ATP6V1E2: variants seen among roughly 807,000 people sequenced by gnomAD.
ATP6V1E2 encodes the protein ATPase H+ transporting V1 subunit E2.
For missense variants in ATP6V1E2, 308 were observed against 273.3 expected, an observed-to-expected ratio of 1.13 and a Z score of -0.90; for synonymous variants, 121 against 104.2, an observed-to-expected ratio of 1.16 and a Z score of -0.98.
At chr2:46,531,665 T>C (rs1413832507) in intron 4 of ATP6V1E2, among the ~76,000 whole-genome samples, 4 of 152,232 alleles carry the variant, frequency 2.6e-5, no homozygotes, top group Admixed American at 2.6e-4. Context: ...GGTTCCAATT[T>C]CTTCACATCT....
intron 4 of ATP6V1E2, among the ~76,000 whole-genome samples, chr2:46,523,025 C>A (rs1305501711): frequency 6.6e-6 from 1 of 151,956 alleles, no homozygotes; most frequent in Non-Finnish European, 1.5e-5. Context: ...TGTTCATTGG[C>A]CATGTAAATG....
chr2:46,528,737 T>G (rs1366673700), intron 4 of ATP6V1E2, among the ~76,000 whole-genome samples: 5 of 152,246 alleles, frequency 3.3e-5, no homozygotes, highest in African/African-American at 4.8e-5. Flanking sequence ...ACAATCTGCC[T>G]CAATTCACCT....
At chr2:46,524,891 G>C (rs748430284) in intron 4 of ATP6V1E2, among the ~76,000 whole-genome samples, 20 of 152,174 alleles carry the variant, frequency 1.3e-4, no homozygotes, top group Non-Finnish European at 1.5e-4. Flanking sequence ...ATGTCTGCCT[G>C]AGAGTTGGGG....
intron 4 of ATP6V1E2, chr2:46,527,735 T>C (rs1666994089): frequency 6.6e-6 from 1 of 152,132 alleles, no homozygotes; most frequent in African/African-American, 2.4e-5. Context: ...AAATTACCCA[T>C]TGTGGTATCA....
chr2:46,512,741 G>A lies in ATP6V1E2; in HGVS notation c.-30C>T. 1 of 1,578,758 alleles carries A rather than the reference G, an allele frequency of 6.3e-7. No homozygotes were observed. The highest frequency in any genetic ancestry group is 8.6e-7 in the Non-Finnish European group (1 of 1,164,378). ...GCTCTCAGAGGGGACGGCAGAGAGG[G>A]AGCTCGTACACCGTTTGGCTCCTTT... On this transcript the variant is annotated 5_prime_UTR_variant, in exon 5 of 5. Coordinates refer to ENST00000522587, the MANE Select transcript of ATP6V1E2 (RefSeq NM_001318063.2).
intron 4 of ATP6V1E2, among the ~76,000 whole-genome samples, chr2:46,513,649 C>A (rs900743618): frequency 6.6e-6 from 1 of 151,428 alleles, no homozygotes; most frequent in African/African-American, 2.4e-5. Context: ...CATGGTGAAA[C>A]CCCGTCTCTA....
At chr2:46,526,323 C>T (rs1294956932) in intron 4 of ATP6V1E2, among the ~76,000 whole-genome samples, 2 of 152,080 alleles carry the variant, frequency 1.3e-5, no homozygotes, top group East Asian at 1.9e-4. Context: ...CCATGTTAGC[C>T]AGACTGGTCT....
chr2:46,522,064 G>A (rs112379791), intron 4 of ATP6V1E2, among the ~76,000 whole-genome samples: 3,185 of 152,208 alleles, frequency 0.021, 101 homozygotes, highest in African/African-American at 0.071. Flanking sequence ...GGAGGCAGAG[G>A]TAGAGGATTG....
chr2:46,512,171 C>T lies in ATP6V1E2; in HGVS notation c.541G>A (p.Val181Met). The change falls in exon 5 of 5, where the codon GTG becomes ATG. Residue 181 changes from valine (V) to methionine (M), a missense_variant. By Grantham distance (21) the Val-to-Met change is conservative. Transcript: ENST00000522587. Reference protein sequence around the residue: ...AYLAVNAAGGVEVYSGNQRIK... With the variant: ...AYLAVNAAGGMEVYSGNQRIK... ...CTCTGATTGCCACTGTAGACCTCCA[C>T]ACCTCCAGCTGCATTCACAGCCAGG... The T allele has an allele frequency of 1.2e-6, 2 of 1,614,234 alleles. No homozygotes were observed. The highest frequency in any genetic ancestry group is 2.2e-5 in the East Asian group (1 of 44,886).
intron 4 of ATP6V1E2, among the ~76,000 whole-genome samples, chr2:46,529,724 C>A (rs889436090): frequency 2.0e-5 from 3 of 152,092 alleles, no homozygotes; most frequent in Middle Eastern, 3.4e-3. Context: ...CCACTGCACT[C>A]CAGCCTGGGT....
rs756488914 is a variant in ATP6V1E2 at position 46,512,659 on chromosome 2, A to C, written c.53T>G (p.Phe18Cys). The C allele has an allele frequency of 1.2e-5, 20 of 1,614,150 alleles. No individual in the cohort carries two copies. The highest frequency in any genetic ancestry group is 1.7e-5 in the Non-Finnish European group (20 of 1,180,028). ...TTTCTCATTGGCTTCCTGCTCAATG[A>C]AAGCCATCATGTGCTTAATCTGCTT... ...VKKQIKHMMAFIEQEANEKAE... is the reference protein window; with the variant it reads ...VKKQIKHMMACIEQEANEKAE... Residue 18 changes from phenylalanine (F) to cysteine (C), a missense_variant, in exon 5 of 5, where the codon TTC becomes TGC. By Grantham distance (205) the Phe-to-Cys change is radical. Transcript: ENST00000522587.
intron 4 of ATP6V1E2, among the ~76,000 whole-genome samples, chr2:46,526,172 G>A (rs574498339): frequency 2.0e-5 from 3 of 152,168 alleles, no homozygotes; most frequent in African/African-American, 4.8e-5. Context: ...CTGGAGTGCG[G>A]TGGTGTGATC....
intron 4 of ATP6V1E2, among the ~76,000 whole-genome samples, chr2:46,513,756 C>G (rs1398235158): frequency 6.6e-6 from 1 of 150,660 alleles, no homozygotes; most frequent in Non-Finnish European, 1.5e-5. Context: ...ACCCAGGAGG[C>G]AGAGGTTGCA....
chr2:46,521,937 G>A (rs1156472325), intron 4 of ATP6V1E2, among the ~76,000 whole-genome samples: 2 of 109,602 alleles, frequency 1.8e-5, no homozygotes, highest in South Asian at 3.8e-4. Flanking sequence ...TGATCCACCC[G>A]CCTCAGCCTC....
At chr2:46,519,733 G>A (rs533729297) in intron 4 of ATP6V1E2, 1 of 152,312 alleles carries the variant, frequency 6.6e-6, no homozygotes, top group African/African-American at 2.4e-5. Context: ...TGTTAGGCAT[G>A]GTTAATCTTC....
At chr2:46,539,394 G>A (rs191806695) in intron 2 of ATP6V1E2, among the ~76,000 whole-genome samples, 1 of 152,294 alleles carries the variant, frequency 6.6e-6, no homozygotes, top group East Asian at 1.9e-4. Flanking sequence ...CACCCCTATG[G>A]GCACAGGGTT....
rs7586352 is a variant in ATP6V1E2, at chr2:46,530,316, G to A, written c.-102+5497C>T. ...TGTGCACAGTAAAGGGATGATGGTG[G>A]TGGGTGGGGTGGTCATGCCCCCAAT... On this transcript the variant is annotated intron_variant, in intron 4 of 4. Coordinates refer to ENST00000522587, the MANE Select transcript of ATP6V1E2 (RefSeq NM_001318063.2). The surrounding 1 kb of genome is among the most constrained non-coding windows in gnomAD (Gnocchi z 5.2). Among the ~76,000 whole-genome samples the A allele has an allele frequency of 3.2e-3, 492 of 152,236 alleles. 5 individuals carry two copies. The highest frequency in any genetic ancestry group is 0.011 in the African/African-American group (467 of 41,512).
rs59810518 is a variant in ATP6V1E2, at chr2:46,540,613, CTTTTTT to C, written c.-310+771_-310+776del. On this transcript the variant is annotated intron_variant, in intron 2 of 4. Coordinates refer to ENST00000522587, the MANE Select transcript of ATP6V1E2 (RefSeq NM_001318063.2). ...TGAAATTTGAGAGCTTTTTCTGTAA[CTTTTTT>C]TTTTTTTTTTTTTTTTTTTTTACCA... 9.9e-4 allele frequency among the ~76,000 whole-genome samples: 114 copies of C among 115,654 alleles called. 2 individuals carry two copies. In the Middle Eastern group the frequency reaches 0.025, roughly 25 times the overall value. The allele number at this position is 115,654 out of a possible 152,430, so 75.9% of individuals were successfully genotyped here. A position where few individuals can be genotyped will look rare whatever the true frequency, so the allele number is the denominator to read the frequency against.
In ATP6V1E2 at chr2:46,524,559, A is replaced by G. The variant is rs528027010; in HGVS notation, c.-102+11254T>C. On this transcript the variant is annotated intron_variant, in intron 4 of 4. Transcript: ENST00000522587. ...CCCTGGTTTAAAATAGGAGAAAAGC[A>G]TCTGGCACTCAAAATGGGATGGGAT... Among the ~76,000 whole-genome samples, 11 of 152,344 alleles carry G rather than the reference A, an allele frequency of 7.2e-5. No individual in the cohort carries two copies. In the South Asian group the frequency reaches 1.9e-3, roughly 26 times the overall value.
Sources: allele counts gnomAD v4.1 joint callset (sites outside exome capture counted in the v4.1 genomes callset), GRCh38; gene constraint gnomAD v4.1.1; non-coding constraint Gnocchi (gnomAD v3.1); transcripts MANE v1.5; gene names NCBI Gene and HGNC (gene_info 2026-07-23, HGNC 2026-07-21).